Variants in CUX2 observed in about 807,000 individuals in gnomAD.
CUX2 encodes cut like homeobox 2, also known as homeobox protein cut-like 2.
CUX2 carries 40 observed loss-of-function variants against 144.8 expected under a neutral mutation model. The observed-to-expected ratio is 0.28, with a 90% CI of 0.21 to 0.36. The LOEUF is 0.36. Ranked by LOEUF, CUX2 falls within the 10% of genes least tolerant of loss-of-function variation. The pLI is 1.00. For missense variants in CUX2, 1,615 were observed against 1,994.0 expected (o/e 0.81, Z 3.62); for synonymous variants, 827 against 875.6 (o/e 0.94, Z 0.98).
chr12:111,164,511 G>A (rs1002289274), intron 1 of CUX2, among the ~76,000 whole-genome samples: 1 of 152,158 alleles, frequency 6.6e-6, no homozygotes, highest in Admixed American at 6.6e-5. Flanking sequence ...GGGAGGTGGA[G>A]GTTGCAGTGA....
intron 1 of CUX2, among the ~76,000 whole-genome samples, chr12:111,134,608 C>CTGTGTGTGTGTGTGTGTGTG (rs1385633104): frequency 1.4e-5 from 2 of 137,932 alleles, no homozygotes; most frequent in African/African-American, 7.1e-5. Flanking sequence ...CTCTCTCTCT[C>CTGTGTGTGTGTGTGTGTGTG]TCTCTCTCTC....
chr12:111,142,983 C>T (rs750962910), intron 1 of CUX2, among the ~76,000 whole-genome samples: 8 of 152,276 alleles, frequency 5.3e-5, no homozygotes, highest in South Asian at 2.1e-4. Context: ...AGAAGGTGTT[C>T]GCTTTTTTTG....
At chr12:111,152,831 G>A (rs1162585885) in intron 1 of CUX2, among the ~76,000 whole-genome samples, 2 of 152,238 alleles carry the variant, frequency 1.3e-5, no homozygotes, top group African/African-American at 4.8e-5. Flanking sequence ...GTCAGGGACT[G>A]GGGACAAGCC....
intron 1 of CUX2, among the ~76,000 whole-genome samples, chr12:111,122,659 G>A (rs1242363344): frequency 1.3e-5 from 2 of 152,184 alleles, no homozygotes; most frequent in Admixed American, 6.5e-5. Context: ...CCTAGTCTGG[G>A]ATCTTCTGGA....
chr12:111,081,532 A>G (rs959056083), intron 1 of CUX2, among the ~76,000 whole-genome samples: 2 of 152,140 alleles, frequency 1.3e-5, no homozygotes, highest in Non-Finnish European at 2.9e-5. Flanking sequence ...TTAATTGCAA[A>G]CAACAGAAAC....
In CUX2 at chr12:111,068,414, A is replaced by C. The variant is rs1056129207; in HGVS notation, c.63+34174A>C. Among the ~76,000 whole-genome samples the C allele has an allele frequency of 6.6e-6, 1 of 152,246 alleles. No homozygotes were observed. Among genetic ancestry groups the C allele is most frequent in the African/African-American group, 2.4e-5 (1 of 41,470 alleles). Reference sequence around the variant, plus strand: ...CAGCCGGCCGATTTCTGTCCTTTGAAGACGCTTGTCAGCGAGTGCTGCGGT... The same window carrying C: ...CAGCCGGCCGATTTCTGTCCTTTGACGACGCTTGTCAGCGAGTGCTGCGGT... On this transcript the variant is annotated intron_variant, in intron 1 of 21. Transcript: ENST00000261726. The surrounding 1 kb of genome is among the most constrained non-coding windows in gnomAD (Gnocchi z 4.9).
intron 1 of CUX2, among the ~76,000 whole-genome samples, chr12:111,151,608 A>G (rs1445676899): frequency 1.3e-5 from 2 of 152,162 alleles, no homozygotes; most frequent in Non-Finnish European, 2.9e-5. Flanking sequence ...CGGCAGAGGA[A>G]GACGACTGAC....
chr12:111,248,391 C>A (rs1883385237), intron 3 of CUX2, among the ~76,000 whole-genome samples: 1 of 152,156 alleles, frequency 6.6e-6, no homozygotes, highest in Non-Finnish European at 1.5e-5. Flanking sequence ...TTTCTCCAAG[C>A]CCAGGTTGGA....
At chr12:111,069,794 A>G (rs1276329395) in intron 1 of CUX2, among the ~76,000 whole-genome samples, 1 of 152,066 alleles carries the variant, frequency 6.6e-6, no homozygotes, top group Non-Finnish European at 1.5e-5. Flanking sequence ...TACATCTTTA[A>G]AGGCCCTGCT....
rs762983788 is a variant in CUX2, at chr12:111,310,510, T to G, written c.1728T>G (p.Phe576Leu). Reference sequence around the variant, plus strand: ...AACACAACATCGGGCAGCGGGTGTTTGGGCATTACGTGCTGGGGCTGTCGC... The same window carrying G: ...AACACAACATCGGGCAGCGGGTGTTGGGGCATTACGTGCTGGGGCTGTCGC... Reference protein sequence around the residue: ...LLKHNIGQRVFGHYVLGLSQG... With the variant: ...LLKHNIGQRVLGHYVLGLSQG... Residue 576 changes from phenylalanine to leucine, a missense_variant, in exon 15 of 22, where the codon TTT (phenylalanine) becomes TTG (leucine). Physicochemically the swap from Phe to Leu is conservative, Grantham distance 22. Around this residue, in one of 12 missense-constraint regions of CUX2, gnomAD observed 71 missense variants for 142.3 expected, o/e 0.50. Transcript: ENST00000261726. This position sits in a 1 kb window ranked among gnomAD's most constrained non-coding sequence, Gnocchi z 7.9. The G allele has an allele frequency of 6.2e-7, 1 of 1,614,066 alleles. No homozygotes were observed. The highest frequency in any genetic ancestry group is 8.5e-7 in the Non-Finnish European group (1 of 1,180,010).
chr12:111,165,903 C>T (rs1243828351), intron 1 of CUX2, among the ~76,000 whole-genome samples: 3 of 152,204 alleles, frequency 2.0e-5, no homozygotes, highest in African/African-American at 7.2e-5. Context: ...TTGCTATCCA[C>T]AGTGTTTGGT....
At chr12:111,193,652 C>T (rs552840906) in intron 1 of CUX2, among the ~76,000 whole-genome samples, 6 of 152,172 alleles carry the variant, frequency 3.9e-5, no homozygotes, top group African/African-American at 1.2e-4. Flanking sequence ...GCCCCTTGTT[C>T]GGGATCCAGG....
intron 1 of CUX2, among the ~76,000 whole-genome samples, chr12:111,151,769 G>A (rs112164278): frequency 6.6e-6 from 1 of 152,240 alleles, no homozygotes; most frequent in South Asian, 2.1e-4. Context: ...GGCTCCTGAG[G>A]GCTGGCCAGG....
chr12:111,135,422 GGT>G (rs1316391882), intron 1 of CUX2, among the ~76,000 whole-genome samples: 58 of 152,118 alleles, frequency 3.8e-4, no homozygotes, highest in African/African-American at 1.4e-3. Flanking sequence ...GCAGTTTGAT[GGT>G]TTCTCAGTAA....
intron 1 of CUX2, among the ~76,000 whole-genome samples, chr12:111,206,979 T>G (rs950255403): frequency 2.0e-5 from 3 of 152,220 alleles, no homozygotes; most frequent in African/African-American, 7.2e-5. Flanking sequence ...GTTGGATGGG[T>G]GGATGTATGT....
intron 1 of CUX2, among the ~76,000 whole-genome samples, chr12:111,110,256 T>C (rs1460578412): frequency 3.3e-5 from 5 of 152,132 alleles, no homozygotes; most frequent in Admixed American, 1.3e-4. Context: ...CCATCCCCAG[T>C]TGGATGCTAC....
At chr12:111,210,268 C>T (rs772345660) in intron 1 of CUX2, among the ~76,000 whole-genome samples, 3 of 152,086 alleles carry the variant, frequency 2.0e-5, no homozygotes, top group South Asian at 2.1e-4. Flanking sequence ...AGACCCGTGC[C>T]GATGCTGTCA....
At chr12:111,151,305 C>T (rs1402444096) in intron 1 of CUX2, among the ~76,000 whole-genome samples, 4 of 152,238 alleles carry the variant, frequency 2.6e-5, no homozygotes, top group South Asian at 2.1e-4. Flanking sequence ...GATGGTTTAC[C>T]ATTGGCAGCA....
At chr12:111,177,158 A>ACC (rs978326133) in intron 1 of CUX2, among the ~76,000 whole-genome samples, 1 of 151,728 alleles carries the variant, frequency 6.6e-6, no homozygotes, top group African/African-American at 2.4e-5. Context: ...GCATGCCAGC[A>ACC]CCCCTGTGGC....
Sources: allele counts gnomAD v4.1 joint callset (sites outside exome capture counted in the v4.1 genomes callset), GRCh38; gene constraint gnomAD v4.1.1; regional missense constraint gnomAD v4.1.1; non-coding constraint Gnocchi (gnomAD v3.1); transcripts MANE v1.5; gene names NCBI Gene and HGNC (gene_info 2026-07-23, HGNC 2026-07-21).